GALNT18: variants seen among roughly 807,000 people sequenced by gnomAD.
The protein encoded by GALNT18 is GalNAc-transferase 18.
A neutral mutation model predicts 69.5 loss-of-function variants in GALNT18; 44 were observed. That is an observed-to-expected ratio of 0.63 (90% confidence interval 0.50 to 0.81). The LOEUF (loss-of-function observed/expected upper bound fraction) is 0.81. Ranked by LOEUF, GALNT18 falls within the 40% of genes least tolerant of loss-of-function variation. The pLI, the probability that GALNT18 is intolerant of heterozygous loss-of-function variation, is 0.00. For missense variants in GALNT18, 715 were observed against 810.0 expected, an observed-to-expected ratio of 0.88 and a Z score of 1.42; for synonymous variants, 364 against 318.2, an observed-to-expected ratio of 1.14 and a Z score of -1.53.
intron 1 of GALNT18, among the ~76,000 whole-genome samples, chr11:11,593,494 G>T (rs1859412111): frequency 6.6e-6 from 1 of 152,192 alleles, no homozygotes; most frequent in South Asian, 2.1e-4. Context: ...TAACAAAGGG[G>T]CTATAAGATG....
chr11:11,552,231 G>A (rs954368035), intron 1 of GALNT18, among the ~76,000 whole-genome samples: 7 of 152,226 alleles, frequency 4.6e-5, no homozygotes, highest in Admixed American at 4.6e-4. Flanking sequence ...CCATGCATGT[G>A]AGAATTGTGG....
At chr11:11,446,636 C>G (rs1489543818) in intron 2 of GALNT18, among the ~76,000 whole-genome samples, 1 of 152,182 alleles carries the variant, frequency 6.6e-6, no homozygotes, top group Non-Finnish European at 1.5e-5. Flanking sequence ...CATCTCAGCA[C>G]CTCCCCTGCT....
intron 1 of GALNT18, among the ~76,000 whole-genome samples, chr11:11,489,213 G>A (rs185788101): frequency 3.3e-5 from 5 of 152,318 alleles, no homozygotes; most frequent in Non-Finnish European, 7.3e-5. Flanking sequence ...ATGAATGGGG[G>A]AGCATTATTA....
intron 1 of GALNT18, among the ~76,000 whole-genome samples, chr11:11,578,416 A>C (rs1436362622): frequency 6.6e-6 from 1 of 152,018 alleles, no homozygotes; most frequent in African/African-American, 2.4e-5. Context: ...TTTTCAAGTA[A>C]GAGAACACTG....
rs1855615877 is a variant in GALNT18 at position 11,444,978 on chromosome 11, A to T, written c.428+3766T>A. On this transcript the variant is annotated intron_variant, in intron 2 of 10. Coordinates refer to ENST00000227756, the MANE Select transcript of GALNT18 (RefSeq NM_198516.3). This position sits in a 1 kb window ranked among gnomAD's most constrained non-coding sequence, Gnocchi z 4.4. Reference sequence around the variant, plus strand: ...CCACATCCTCTCAGTCCAAATCCCAACATTAGCCAGAGCCCAGGCATCATT... The same window carrying T: ...CCACATCCTCTCAGTCCAAATCCCATCATTAGCCAGAGCCCAGGCATCATT... Among the ~76,000 whole-genome samples, 1 of 152,206 alleles carries T rather than the reference A, an allele frequency of 6.6e-6. No individual in the cohort carries two copies. Among genetic ancestry groups the T allele is most frequent in the South Asian group, 2.1e-4 (1 of 4,832 alleles).
At chr11:11,471,241 G>A (rs1352216372) in intron 1 of GALNT18, among the ~76,000 whole-genome samples, 6 of 152,156 alleles carry the variant, frequency 3.9e-5, no homozygotes, top group African/African-American at 1.2e-4. Flanking sequence ...GGGCAGGACT[G>A]TGCATTCAGA....
At chr11:11,576,574 G>A (rs1283403879) in intron 1 of GALNT18, among the ~76,000 whole-genome samples, 1 of 152,188 alleles carries the variant, frequency 6.6e-6, no homozygotes, top group East Asian at 1.9e-4. Flanking sequence ...ATGACCATAG[G>A]AGGAAAGATG....
At chr11:11,281,436 G>C (rs1004949747) in intron 10 of GALNT18, among the ~76,000 whole-genome samples, 1 of 152,138 alleles carries the variant, frequency 6.6e-6, no homozygotes, top group Admixed American at 6.6e-5. Flanking sequence ...CACAACAAAC[G>C]GGCCCGGACC....
rs1859471513 is a variant in GALNT18, at chr11:11,595,236, G to A, written c.235+26123C>T. Among the ~76,000 whole-genome samples the A allele has an allele frequency of 6.6e-6, 1 of 152,066 alleles. No individual in the cohort carries two copies. Among genetic ancestry groups the A allele is most frequent in the African/African-American group, 2.4e-5 (1 of 41,412 alleles). On this transcript the variant is annotated intron_variant, in intron 1 of 10. Coordinates refer to ENST00000227756, the MANE Select transcript of GALNT18 (RefSeq NM_198516.3). This position sits in a 1 kb window ranked among gnomAD's most constrained non-coding sequence, Gnocchi z 5.2. ...GATGTCTTTAGAAGGTGGGGCCCTA[G>A]GGAGGTGGATAGGTAATGAGGCCTT...
At chr11:11,401,878 A>G (rs1159048602) in intron 3 of GALNT18, among the ~76,000 whole-genome samples, 2 of 152,228 alleles carry the variant, frequency 1.3e-5, no homozygotes, top group African/African-American at 4.8e-5. Context: ...GAGTGCTACC[A>G]TAGAGGTGTG....
At chr11:11,293,217 G>T (rs774539122) in intron 9 of GALNT18, 24 bp from the exon 10 acceptor site, 14 of 1,316,226 alleles carry the variant, frequency 1.1e-5, no homozygotes, top group Middle Eastern at 2.0e-4. Flanking sequence ...GAGGGAGAGA[G>T]TGTGGATAAA....
At chr11:11,326,225 T>C (rs944494357) in intron 9 of GALNT18, among the ~76,000 whole-genome samples, 3 of 151,998 alleles carry the variant, frequency 2.0e-5, no homozygotes, top group Admixed American at 6.6e-5. Flanking sequence ...TTTGTATTTT[T>C]AGTAGAGATG....
At chr11:11,553,426 C>T (rs1858249416) in intron 1 of GALNT18, among the ~76,000 whole-genome samples, 1 of 152,346 alleles carries the variant, frequency 6.6e-6, no homozygotes, top group South Asian at 2.1e-4. Flanking sequence ...CCAAAGCCCA[C>T]CTCCACAGCT....
At position 11,564,051 on chromosome 11, in the gene GALNT18, T is replaced by C. The variant is rs542947594; in HGVS notation, c.235+57308A>G. Among the ~76,000 whole-genome samples the C allele has an allele frequency of 6.6e-6, 1 of 152,036 alleles. No homozygotes were observed. The highest frequency in any genetic ancestry group is 1.9e-4 in the East Asian group (1 of 5,188). Reference sequence around the variant, plus strand: ...ATTACTAGTGAGGCACCATGCTAAATGAATGTCAGCTTGTTTAACTCTTAC... The same window carrying C: ...ATTACTAGTGAGGCACCATGCTAAACGAATGTCAGCTTGTTTAACTCTTAC... On this transcript the variant is annotated intron_variant, in intron 1 of 10. Transcript: ENST00000227756. The surrounding 1 kb of genome is among the most constrained non-coding windows in gnomAD (Gnocchi z 4.3).
chr11:11,493,419 G>A (rs1856813005), intron 1 of GALNT18, among the ~76,000 whole-genome samples: 1 of 152,040 alleles, frequency 6.6e-6, no homozygotes, highest in Non-Finnish European at 1.5e-5. Context: ...AAAACCTCCT[G>A]GTTTCGTGAC....
In GALNT18 at chr11:11,314,514, G is replaced by A. The variant is rs1323888147; in HGVS notation, c.1512+12572C>T. On this transcript the variant is annotated intron_variant, in intron 9 of 10. Transcript: ENST00000227756. The surrounding 1 kb of genome is among the most constrained non-coding windows in gnomAD (Gnocchi z 5.2). ...CCGTTGGCTCCCTCCCTGTCTGCCT[G>A]CTCCCCTGACCCTGAGCTGATGTGT... Among the ~76,000 whole-genome samples, 1 of 152,082 alleles carries A rather than the reference G, an allele frequency of 6.6e-6. No individual in the cohort carries two copies. Among genetic ancestry groups the A allele is most frequent in the African/African-American group, 2.4e-5 (1 of 41,420 alleles).
rs1295477750 is a variant in GALNT18 at position 11,439,491 on chromosome 11, C to T, written c.429-6704G>A. ...TTCCCTTCCTGGGCTGGAGTCCAGT[C>T]CCCTGTGAGACTCTCACAGATTCTG... On this transcript the variant is annotated intron_variant, in intron 2 of 10. Transcript: ENST00000227756. The surrounding 1 kb of genome is among the most constrained non-coding windows in gnomAD (Gnocchi z 4.4). Among the ~76,000 whole-genome samples, 1 of 152,206 alleles carries T rather than the reference C, an allele frequency of 6.6e-6. No homozygotes were observed. Among genetic ancestry groups the T allele is most frequent in the Admixed American group, 6.5e-5 (1 of 15,276 alleles).
At chr11:11,525,671 G>C (rs915245782) in intron 1 of GALNT18, among the ~76,000 whole-genome samples, 1 of 83,174 alleles carries the variant, frequency 1.2e-5, no homozygotes, top group East Asian at 3.7e-4. Flanking sequence ...TTTCGCTTTT[G>C]TTGCCCAGGC....
At position 11,470,282 on chromosome 11, in the gene GALNT18, G is replaced by A. The variant is rs1248083640; in HGVS notation, c.236-21346C>T. Among the ~76,000 whole-genome samples the A allele has an allele frequency of 6.6e-6, 1 of 152,184 alleles. No homozygotes were observed. The highest frequency in any genetic ancestry group is 2.4e-5 in the African/African-American group (1 of 41,444). On this transcript the variant is annotated intron_variant, in intron 1 of 10. Transcript: ENST00000227756. This position sits in a 1 kb window ranked among gnomAD's most constrained non-coding sequence, Gnocchi z 4.8. Reference sequence around the variant, plus strand: ...CTCAGGCCCTAAGGTTAAGACCCAGGCACCAAGGGACATCCACATTCTGTC... The same window carrying A: ...CTCAGGCCCTAAGGTTAAGACCCAGACACCAAGGGACATCCACATTCTGTC...
Sources: allele counts gnomAD v4.1 joint callset (sites outside exome capture counted in the v4.1 genomes callset), GRCh38; gene constraint gnomAD v4.1.1; non-coding constraint Gnocchi (gnomAD v3.1); transcripts MANE v1.5; gene names NCBI Gene and HGNC (gene_info 2026-07-23, HGNC 2026-07-21).